Variants in HECTD2 observed in about 807,000 individuals in gnomAD.
The protein encoded by HECTD2 is HECT domain E3 ubiquitin protein ligase 2, also known as probable E3 ubiquitin-protein ligase HECTD2.
In HECTD2, 35 loss-of-function variants were observed where a neutral mutation model predicts 103.2. The observed-to-expected ratio is 0.34, with a 90% CI of 0.26 to 0.45. The LOEUF is 0.45. Among genes scored for constraint, HECTD2 ranks in the 20% least tolerant of loss-of-function variants. The pLI is 1.00. For synonymous variants in HECTD2, 281 were observed against 329.9 expected (o/e 0.85, Z 1.61); for missense variants, 596 against 937.4 (o/e 0.64, Z 4.76).
rs1240259087 is a variant in HECTD2, at chr10:91,460,507, G to A, written c.349G>A (p.Ala117Thr). 2.5e-6 allele frequency: 4 copies of A among 1,612,690 alleles called. No homozygotes were observed. ...SMDASSSEMKAPVLPEPILPI... is the reference protein window; with the variant it reads ...SMDASSSEMKTPVLPEPILPI... ...GGATGCATCATCATCCGAAATGAAG[G>A]CCCCAGTCCTTCCAGAACCTATTCT... The change falls in exon 3 of 21, where the codon GCC becomes ACC. Residue 117 changes from alanine (A) to threonine (T), a missense_variant. By Grantham distance (58) the Ala-to-Thr change is moderately conservative. Coordinates refer to ENST00000298068, the MANE Select transcript of HECTD2 (RefSeq NM_182765.6).
Position 91,484,661 on chromosome 10 carries a change from T to A in HECTD2, c.970+6T>A. ...TAAAGTGTTGGCTTTACTTAGTAGGTTTTTATTATTCTATCATTTTTTACT... is the reference window on the plus strand; with the variant it reads ...TAAAGTGTTGGCTTTACTTAGTAGGATTTTATTATTCTATCATTTTTTACT... On this transcript the variant is annotated splice_donor_region_variant and intron_variant, in intron 9 of 20. Transcript: ENST00000298068. The A allele has an allele frequency of 6.3e-7, 1 of 1,580,964 alleles. No individual in the cohort carries two copies. The highest frequency in any genetic ancestry group is 8.6e-7 in the Non-Finnish European group (1 of 1,168,078).
At chr10:91,499,020 A>G (rs1441825662) in intron 17 of HECTD2, 24 bp from the exon 18 acceptor site, 1 of 1,559,056 alleles carries the variant, frequency 6.4e-7, no homozygotes, top group South Asian at 1.1e-5. Flanking sequence ...TTTACTATTT[A>G]AGAGATGTAA....
At chr10:91,483,352 T>G (rs369497460) in intron 8 of HECTD2, among the ~76,000 whole-genome samples, 1 of 151,984 alleles carries the variant, frequency 6.6e-6, no homozygotes, top group East Asian at 1.9e-4. Flanking sequence ...TTCCTATTAT[T>G]GGTTTTTTAC....
intron 2 of HECTD2, among the ~76,000 whole-genome samples, chr10:91,445,887 C>G (rs1844589806): frequency 6.6e-6 from 1 of 152,120 alleles, no homozygotes; most frequent in African/African-American, 2.4e-5. Context: ...TCTTTACAAC[C>G]TACAGACAAG....
chr10:91,479,293 G>T (rs1846010416), intron 6 of HECTD2, among the ~76,000 whole-genome samples: 2 of 151,952 alleles, frequency 1.3e-5, no homozygotes, highest in South Asian at 4.2e-4. Context: ...GATTTGCTTG[G>T]ACACTACTAT....
At chr10:91,478,399 A>G in intron 6 of HECTD2, 134 bp downstream of exon 6, 1 of 595,658 alleles carries the variant, frequency 1.7e-6, no homozygotes. Flanking sequence ...AGATGAGAAA[A>G]GAATTATAAG....
At chr10:91,493,343 T>C (rs1167613943) in intron 13 of HECTD2, 77 bp from the exon 14 acceptor site, 1 of 629,646 alleles carries the variant, frequency 1.6e-6, no homozygotes, top group Non-Finnish European at 2.6e-6. Flanking sequence ...ATAGATGAGA[T>C]GTCATGTACA....
chr10:91,483,246 G>T (rs954220704), intron 8 of HECTD2, among the ~76,000 whole-genome samples, 170 bp downstream of exon 8: 16 of 151,898 alleles, frequency 1.1e-4, no homozygotes, highest in Non-Finnish European at 2.2e-4. Flanking sequence ...ACTACATAAA[G>T]GATAATTAAA....
intron 20 of HECTD2, among the ~76,000 whole-genome samples, chr10:91,505,739 C>G (rs1847133623): frequency 6.6e-6 from 1 of 151,740 alleles, no homozygotes; most frequent in Non-Finnish European, 1.5e-5. Context: ...ACAAGGATAC[C>G]CAGGAATTGA....
In HECTD2 at chr10:91,512,638, G is replaced by A; in HGVS notation, c.*254G>A. 2.6e-6 allele frequency: 1 copy of A among 379,812 alleles called. No individual in the cohort carries two copies. The highest frequency in any genetic ancestry group is 4.8e-6 in the Non-Finnish European group (1 of 208,274). The allele number at this position is 379,812 out of a possible 1,614,324, so 23.5% of individuals were successfully genotyped here. ...TATGGTCCAGTTCCTCTTTTATATA[G>A]CACTTTATCATTCTCCACAAGTAGT... On this transcript the variant is annotated 3_prime_UTR_variant, in exon 21 of 21. Coordinates refer to ENST00000298068, the MANE Select transcript of HECTD2 (RefSeq NM_182765.6).
At chr10:91,420,136 TTTA>T (rs1342132653) in intron 1 of HECTD2, among the ~76,000 whole-genome samples, 2 of 152,148 alleles carry the variant, frequency 1.3e-5, no homozygotes, top group Admixed American at 1.3e-4. Flanking sequence ...AGGATTGACT[TTTA>T]TTATTCTATC....
At chr10:91,499,200 T>C (rs756692446) in intron 18 of HECTD2, 50 bp downstream of exon 18, 11 of 933,434 alleles carry the variant, frequency 1.2e-5, no homozygotes, top group Non-Finnish European at 1.8e-5. Flanking sequence ...TGTAGTACTA[T>C]CATGTTAACA....
At chr10:91,496,953 A>T (rs1019149859) in intron 15 of HECTD2, among the ~76,000 whole-genome samples, 1 of 150,036 alleles carries the variant, frequency 6.7e-6, no homozygotes, top group Non-Finnish European at 1.5e-5. Flanking sequence ...AATATAATGT[A>T]AGAAAATCTT....
rs1564729946 is a variant in HECTD2, at chr10:91,485,175, T to C, written c.971-5T>C. The C allele has an allele frequency of 6.5e-7, 1 of 1,527,342 alleles. No homozygotes were observed. Among genetic ancestry groups the C allele is most frequent in the East Asian group, 2.3e-5 (1 of 42,666 alleles). 94.6% of individuals were successfully genotyped at this position (1,527,342 alleles called of 1,614,324 possible). A position where few individuals can be genotyped will look rare whatever the true frequency, so the allele number is the denominator to read the frequency against. On this transcript the variant is annotated splice_region_variant and splice_polypyrimidine_tract_variant and intron_variant, in intron 9 of 20. Coordinates refer to ENST00000298068, the MANE Select transcript of HECTD2 (RefSeq NM_182765.6). Reference sequence around the variant, plus strand: ...AAGTCTTTATGTTAGAATTTATCTTTACAGATACTGCAAACAATTTAGTTC... The same window carrying C: ...AAGTCTTTATGTTAGAATTTATCTTCACAGATACTGCAAACAATTTAGTTC...
At chr10:91,411,577 C>T (rs2132950673) in intron 1 of HECTD2, among the ~76,000 whole-genome samples, 1 of 152,340 alleles carries the variant, frequency 6.6e-6, no homozygotes, top group Admixed American at 6.5e-5. Flanking sequence ...AAATAGCTCA[C>T]TCTTCGTTAA....
intron 1 of HECTD2, among the ~76,000 whole-genome samples, chr10:91,416,149 C>G (rs139638633): frequency 6.6e-6 from 1 of 151,960 alleles, no homozygotes; most frequent in Non-Finnish European, 1.5e-5. Flanking sequence ...TGGAGAAAAG[C>G]GGTCATTATA....
chr10:91,504,530 A>G (rs1847062467), intron 20 of HECTD2, among the ~76,000 whole-genome samples: 2 of 152,356 alleles, frequency 1.3e-5, no homozygotes, highest in South Asian at 4.1e-4. Flanking sequence ...GGTATCAGCA[A>G]TGGAAGATGA....
intron 1 of HECTD2, among the ~76,000 whole-genome samples, chr10:91,423,280 A>G (rs2133021993): frequency 6.6e-6 from 1 of 152,250 alleles, no homozygotes; most frequent in African/African-American, 2.4e-5. Context: ...CTCTGTGAAC[A>G]TGGGCATGGA....
chr10:91,511,253 A>G (rs1250154052), intron 20 of HECTD2, among the ~76,000 whole-genome samples: 2 of 152,216 alleles, frequency 1.3e-5, no homozygotes. Flanking sequence ...GATAGCTGTA[A>G]GAATCCTAAA....
Sources: allele counts gnomAD v4.1 joint callset (sites outside exome capture counted in the v4.1 genomes callset), GRCh38; gene constraint gnomAD v4.1.1; transcripts MANE v1.5; gene names NCBI Gene and HGNC (gene_info 2026-07-23, HGNC 2026-07-21).